The following UEVLD variants were observed in gnomAD, a reference collection of about 807,000 sequenced individuals.
UEVLD encodes UEV and lactate/malate dehyrogenase domains.
UEVLD carries 47 observed loss-of-function variants against 58.6 expected under a neutral mutation model. The ratio of observed to expected loss-of-function variants is 0.80; its 90% CI spans 0.63 to 1.02. UEVLD has a LOEUF of 1.02. UEVLD is among the 50% of genes least tolerant of loss of function. The pLI is 0.00. For synonymous variants in UEVLD, 197 were observed against 195.3 expected (o/e 1.01, Z -0.07); for missense variants, 510 against 550.6 (o/e 0.93, Z 0.74).
rs757725360 is a variant in UEVLD at position 18,544,620 on chromosome 11, T to TA, written c.1060+2dup. On this transcript the variant is annotated splice_region_variant and intron_variant, in intron 9 of 11. Transcript: ENST00000396197. ...ACACCCAGCCTAAAAACGTACTTCT[T>TA]ACCTTTGTCTTCTCCTTGCTCGCCA... 4.4e-6 allele frequency: 7 copies of TA among 1,586,208 alleles called. No individual in the cohort carries two copies. Among genetic ancestry groups the TA allele is most frequent in the Non-Finnish European group, 6.0e-6 (7 of 1,170,342 alleles).
intron 5 of UEVLD, among the ~76,000 whole-genome samples, chr11:18,565,976 G>A (rs1852277495): frequency 7.1e-6 from 1 of 141,052 alleles, no homozygotes; most frequent in Admixed American, 7.6e-5. Flanking sequence ...TCAGCTCACT[G>A]CAACCTCTGC....
chr11:18,550,712 A>G lies in UEVLD; in HGVS notation c.716-3662T>C, dbSNP rs369180860. On this transcript the variant is annotated intron_variant, in intron 7 of 11. Coordinates refer to ENST00000396197, the MANE Select transcript of UEVLD (RefSeq NM_001040697.4). ...GTGCCTCCTCACTCTCTTGTCATGA[A>G]TAACTGTTTATATATTGCATGTGTC... Among the ~76,000 whole-genome samples, 6 of 152,302 alleles carry G rather than the reference A, an allele frequency of 3.9e-5. No homozygotes were observed. In the East Asian group the frequency reaches 9.6e-4, roughly 24 times the overall value.
rs556089748 is a variant in UEVLD at position 18,548,688 on chromosome 11, A to G, written c.716-1638T>C. Among the ~76,000 whole-genome samples, 6 of 152,254 alleles carry G rather than the reference A, an allele frequency of 3.9e-5. No homozygotes were observed. The South Asian group carries it at 1.0e-3, about 26-fold the overall frequency. Reference sequence around the variant, plus strand: ...GTGATCCACCCACCTCGGCCTCCCAAAGTGCTGGGATTACAGGCGTGAGCC... The same window carrying G: ...GTGATCCACCCACCTCGGCCTCCCAGAGTGCTGGGATTACAGGCGTGAGCC... On this transcript the variant is annotated intron_variant, in intron 7 of 11. Coordinates refer to ENST00000396197, the MANE Select transcript of UEVLD (RefSeq NM_001040697.4).
At chr11:18,563,692 C>G (rs1432526797) in intron 6 of UEVLD, 17 of 985,396 alleles carry the variant, frequency 1.7e-5, no homozygotes, top group Non-Finnish European at 2.0e-5. Context: ...AGACTGAATA[C>G]AACTCAAATT....
intron 6 of UEVLD, 61 bp downstream of exon 6, chr11:18,564,831 A>C: frequency 8.1e-7 from 1 of 1,242,214 alleles, no homozygotes; most frequent in Non-Finnish European, 1.1e-6. Context: ...TGTGTAAAAC[A>C]CAACCTGCCT....
At chr11:18,535,710 G>A (rs993266386) in intron 10 of UEVLD, among the ~76,000 whole-genome samples, 10 of 147,264 alleles carry the variant, frequency 6.8e-5, no homozygotes, top group African/African-American at 2.3e-4. Context: ...AAGGATCTGT[G>A]TGTTACACTT....
At chr11:18,566,870 G>C (rs917548133) in intron 4 of UEVLD, among the ~76,000 whole-genome samples, 1 of 152,148 alleles carries the variant, frequency 6.6e-6, no homozygotes, top group Non-Finnish European at 1.5e-5. Flanking sequence ...AAAATAGCAT[G>C]AATATGCTTA....
chr11:18,583,657 C>CTTATT (rs766935590), intron 1 of UEVLD, among the ~76,000 whole-genome samples: 1 of 117,284 alleles, frequency 8.5e-6, no homozygotes, highest in African/African-American at 3.4e-5. Context: ...TCCAGTATTA[C>CTTATT]TTTTTTTTTT....
In UEVLD at chr11:18,560,090, T is replaced by TACACACACACACACAC. The variant is rs71050609; in HGVS notation, c.613-1776_613-1761dup. ...GGGCAACATGGCAAAACCCCGTCTC[T>TACACACACACACACAC]ACACACACACACACACACACACACA... On this transcript the variant is annotated intron_variant, in intron 6 of 11. Transcript: ENST00000396197. Among the ~76,000 whole-genome samples the TACACACACACACACAC allele has an allele frequency of 6.7e-3, 509 of 76,056 alleles. 11 individuals are homozygous for TACACACACACACACAC. The highest frequency in any genetic ancestry group is 8.7e-3 in the East Asian group (20 of 2,312). The allele number at this position is 76,056 out of a possible 152,430, so 49.9% of individuals were successfully genotyped here.
Position 18,547,025 on chromosome 11 carries a change from C to G in UEVLD, c.741G>C (p.Lys247Asn), listed in dbSNP as rs1230324442. 1 of 1,613,546 alleles carries G rather than the reference C, an allele frequency of 6.2e-7. No individual in the cohort carries two copies. Residue 247 changes from lysine (K) to asparagine (N), a missense_variant, in exon 8 of 12, where the codon AAG becomes AAC. Lys to Asn is a moderately conservative substitution (Grantham distance 94, BLOSUM62 0). Coordinates refer to ENST00000396197, the MANE Select transcript of UEVLD (RefSeq NM_001040697.4). ...AAGAGTTGACTGTGAAGATCACCACCTTGGAATGAGCAGAGGCAGACAAAT... is the reference window on the plus strand; with the variant it reads ...AAGAGTTGACTGTGAAGATCACCACGTTGGAATGAGCAGAGGCAGACAAAT... ...SKDLSASAHS[K>N]VVIFTVNSLG...
At chr11:18,569,105 A>G (rs10832946) in intron 4 of UEVLD, among the ~76,000 whole-genome samples, 3,007 of 152,242 alleles carry the variant, frequency 0.02, 53 homozygotes, top group Middle Eastern at 0.045. Context: ...TGCGTTAGCC[A>G]AGATGGTCTC....
Position 18,588,677 on chromosome 11 carries a change from G to A in UEVLD, c.-23C>T, listed in dbSNP as rs373177272. 14 of 1,606,264 alleles carry A rather than the reference G, an allele frequency of 8.7e-6. No homozygotes were observed. Among genetic ancestry groups the A allele is most frequent in the Non-Finnish European group, 1.2e-5 (14 of 1,179,414 alleles). On this transcript the variant is annotated 5_prime_UTR_variant, in exon 1 of 12. Transcript: ENST00000396197. ...CATCTCCAGGCCGGTCCCGAGCTAG[G>A]TCCCAGGACTCCAGCCCCCGGACCT...
rs531566642 is a variant in UEVLD, at chr11:18,533,913, G to A, written c.1248+417C>T. 3.3e-5 allele frequency among the ~76,000 whole-genome samples: 5 copies of A among 152,156 alleles called. 1 individual carries two copies. The South Asian group carries it at 6.2e-4, about 19-fold the overall frequency. ...AAGTGATCCACCTGCCTCGGCCTCCGAGTGCTGGGATTACAGGCGTGAGCC... is the reference window on the plus strand; with the variant it reads ...AAGTGATCCACCTGCCTCGGCCTCCAAGTGCTGGGATTACAGGCGTGAGCC... On this transcript the variant is annotated intron_variant, in intron 11 of 11. Coordinates refer to ENST00000396197, the MANE Select transcript of UEVLD (RefSeq NM_001040697.4).
chr11:18,546,745 C>T (rs1020974110), intron 8 of UEVLD, 135 bp downstream of exon 8: 12 of 909,868 alleles, frequency 1.3e-5, no homozygotes, highest in East Asian at 3.0e-5. Context: ...GTGATCCGCC[C>T]GCCTCAGACT....
intron 10 of UEVLD, among the ~76,000 whole-genome samples, chr11:18,535,817 G>C (rs1850767633): frequency 6.6e-6 from 1 of 152,030 alleles, no homozygotes; most frequent in Non-Finnish European, 1.5e-5. Context: ...ATTTTTAAGT[G>C]GTGTGGACAA....
intron 1 of UEVLD, among the ~76,000 whole-genome samples, chr11:18,584,820 A>G (rs1185814349): frequency 6.6e-6 from 1 of 152,010 alleles, no homozygotes; most frequent in Non-Finnish European, 1.5e-5. Flanking sequence ...TTTAGTAGAG[A>G]CAGGGTTTCA....
chr11:18,540,592 G>A (rs796896647), intron 9 of UEVLD, among the ~76,000 whole-genome samples: 2 of 152,326 alleles, frequency 1.3e-5, no homozygotes, highest in South Asian at 4.1e-4. Flanking sequence ...TTCAGTATCA[G>A]TAATGTTCTT....
chr11:18,570,745 CAAA>C (rs559788859), intron 3 of UEVLD: 3 of 67,762 alleles, frequency 4.4e-5, no homozygotes, highest in Admixed American at 1.8e-4. Context: ...GACACTGTTT[CAAA>C]AAAAAAAAAA....
At chr11:18,540,274 G>T (rs1850998676) in intron 9 of UEVLD, among the ~76,000 whole-genome samples, 1 of 152,154 alleles carries the variant, frequency 6.6e-6, no homozygotes, top group Non-Finnish European at 1.5e-5. Flanking sequence ...CTCCTTCACA[G>T]AGTGTTTATA....
Sources: gnomAD v4.1 joint callset for allele counts (sites outside exome capture counted in the v4.1 genomes callset) on GRCh38, gnomAD v4.1.1 for gene constraint, MANE v1.5 for transcripts, NCBI Gene and HGNC (gene_info 2026-07-23, HGNC 2026-07-21) for gene names.